CADM1: variants seen among roughly 807,000 people sequenced by gnomAD.
CADM1 encodes the protein cell adhesion molecule 1.
A neutral mutation model predicts 53.1 loss-of-function variants in CADM1; 15 were observed. That is an observed-to-expected ratio of 0.28 (90% confidence interval 0.19 to 0.44). The LOEUF is 0.44. Ranked by LOEUF, CADM1 falls within the 20% of genes least tolerant of loss-of-function variation. CADM1 has a pLI of 1.00. For synonymous variants in CADM1, 281 were observed against 243.0 expected (o/e 1.16, Z -1.45); for missense variants, 434 against 611.3 (o/e 0.71, Z 3.06).
chr11:115,442,622 T>C (rs953303279), intron 1 of CADM1, among the ~76,000 whole-genome samples: 3 of 152,198 alleles, frequency 2.0e-5, no homozygotes, highest in Non-Finnish European at 4.4e-5. Flanking sequence ...TTACTCCTCC[T>C]ATCACTCCTG....
intron 1 of CADM1, among the ~76,000 whole-genome samples, chr11:115,355,707 AAC>A (rs71066418): frequency 0.28 from 42,216 of 150,726 alleles, 6,712 homozygotes; most frequent in African/African-American, 0.44. Context: ...TTAAATTACT[AAC>A]ACACACACAC....
chr11:115,442,472 T>C (rs1948338801), intron 1 of CADM1, among the ~76,000 whole-genome samples: 1 of 152,058 alleles, frequency 6.6e-6, no homozygotes, highest in African/African-American at 2.4e-5. Context: ...AATCATCATC[T>C]CTCCATCAGT....
intron 8 of CADM1, among the ~76,000 whole-genome samples, chr11:115,203,455 G>T (rs1940533704): frequency 6.6e-6 from 1 of 152,174 alleles, no homozygotes; most frequent in Non-Finnish European, 1.5e-5. Flanking sequence ...ACATTTTTAA[G>T]TCTTGGCAAA....
chr11:115,190,696 T>C (rs1939805278), intron 10 of CADM1, 192 bp downstream of exon 10: 3 of 566,232 alleles, frequency 5.3e-6, no homozygotes, highest in East Asian at 2.8e-5. Context: ...TTCCGAAATA[T>C]AAATATCGCT....
chr11:115,225,146 T>G lies in CADM1; in HGVS notation c.721+3967A>C, dbSNP rs61908550. ...AAAGCTAGAAAACTAAGAGACCTAC[T>G]GTATGTTCTTCATTCCCGGCAACGT... On this transcript the variant is annotated intron_variant, in intron 5 of 11. Transcript: ENST00000331581. Among the ~76,000 whole-genome samples the G allele has an allele frequency of 9.2e-3, 1,395 of 152,312 alleles. 11 individuals are homozygous for G. Among genetic ancestry groups the G allele is most frequent in the Middle Eastern group, 0.041 (12 of 294 alleles).
intron 1 of CADM1, among the ~76,000 whole-genome samples, chr11:115,340,569 T>C (rs9888296): frequency 1 from 126,170 of 126,170 alleles, 63,085 homozygotes; most frequent in Non-Finnish European, 1. Context: ...TAAGGGGGAT[T>C]TATTTAAAAT....
chr11:115,477,577 T>C (rs1424047642), intron 1 of CADM1, among the ~76,000 whole-genome samples: 2 of 152,246 alleles, frequency 1.3e-5, no homozygotes, highest in African/African-American at 4.8e-5. Context: ...ATCATCACTG[T>C]ATTGAAACAG....
Position 115,172,220 on chromosome 11 carries a change from A to C in CADM1, c.*4254T>G, listed in dbSNP as rs187559880. ...AGTGTGTGCTTTTGATCCTTATTCT[A>C]TCTCTCTGGGTCTTTTTATAGAGAT... On this transcript the variant is annotated 3_prime_UTR_variant, in exon 12 of 12. Transcript: ENST00000331581. The C allele has an allele frequency of 2.2e-4, 33 of 152,284 alleles. No individual in the cohort carries two copies. Among genetic ancestry groups the C allele is most frequent in the African/African-American group, 7.5e-4 (31 of 41,522 alleles). 9.4% of individuals were successfully genotyped at this position (152,284 alleles called of 1,614,324 possible). A position where few individuals can be genotyped will look rare whatever the true frequency, so the allele number is the denominator to read the frequency against.
chr11:115,345,392 G>A (rs947538029), intron 1 of CADM1, among the ~76,000 whole-genome samples: 23 of 152,170 alleles, frequency 1.5e-4, no homozygotes, highest in Admixed American at 4.6e-4. Flanking sequence ...CTCAGCAAGG[G>A]ACAGGACAAG....
intron 2 of CADM1, among the ~76,000 whole-genome samples, chr11:115,239,681 T>C (rs1460877354): frequency 6.6e-6 from 1 of 151,336 alleles, no homozygotes; most frequent in Admixed American, 6.6e-5. Context: ...TCGCTTTGGT[T>C]AGGCACCGAT....
intron 1 of CADM1, among the ~76,000 whole-genome samples, chr11:115,443,055 T>C (rs1948359864): frequency 6.6e-6 from 1 of 152,278 alleles, no homozygotes; most frequent in Non-Finnish European, 1.5e-5. Flanking sequence ...TTGTTTATAA[T>C]GTACTTCAGT....
intron 1 of CADM1, among the ~76,000 whole-genome samples, chr11:115,383,160 T>C (rs903371348): frequency 6.6e-6 from 1 of 152,212 alleles, no homozygotes; most frequent in Non-Finnish European, 1.5e-5. Flanking sequence ...ACCTGCATCA[T>C]GTCAAAATTT....
chr11:115,390,367 G>C (rs1946804523), intron 1 of CADM1, among the ~76,000 whole-genome samples: 1 of 151,818 alleles, frequency 6.6e-6, no homozygotes, highest in Non-Finnish European at 1.5e-5. Flanking sequence ...GGGAGAAGGG[G>C]AAAGGGTTGG....
chr11:115,292,181 A>C (rs1311765477), intron 1 of CADM1, among the ~76,000 whole-genome samples: 1 of 152,212 alleles, frequency 6.6e-6, no homozygotes, highest in Non-Finnish European at 1.5e-5. Flanking sequence ...GTCTAAAGTC[A>C]AGGGATTCCA....
intron 1 of CADM1, among the ~76,000 whole-genome samples, chr11:115,464,953 A>G (rs1948867777): frequency 6.6e-6 from 1 of 152,216 alleles, no homozygotes; most frequent in Admixed American, 6.5e-5. Context: ...AGGCACTCCT[A>G]TCTACTGGGC....
chr11:115,474,498 C>A (rs1404323849), intron 1 of CADM1, among the ~76,000 whole-genome samples: 12 of 151,676 alleles, frequency 7.9e-5, no homozygotes, highest in Non-Finnish European at 1.6e-4. Flanking sequence ...CACATATACA[C>A]CATGGAATAC....
At chr11:115,498,589 C>T (rs554915763) in intron 1 of CADM1, among the ~76,000 whole-genome samples, 10 of 152,314 alleles carry the variant, frequency 6.6e-5, no homozygotes, top group South Asian at 6.2e-4. Context: ...TCATCTTATC[C>T]GATCCAAACA....
At chr11:115,429,601 A>G (rs1947989954) in intron 1 of CADM1, among the ~76,000 whole-genome samples, 1 of 152,128 alleles carries the variant, frequency 6.6e-6, no homozygotes. Flanking sequence ...AAAAAAAAAA[A>G]AATAGAAGCC....
chr11:115,245,733 C>T lies in CADM1; in HGVS notation c.125-5313G>A, dbSNP rs562849103. Reference sequence around the variant, plus strand: ...CCAGAGGGAAAAATCTTTCTAACTACGTATGTTCCCCCAAGTCAACGTAAA... The same window carrying T: ...CCAGAGGGAAAAATCTTTCTAACTATGTATGTTCCCCCAAGTCAACGTAAA... On this transcript the variant is annotated intron_variant, in intron 1 of 11. Transcript: ENST00000331581. 5.3e-5 allele frequency among the ~76,000 whole-genome samples: 8 copies of T among 152,270 alleles called. No individual in the cohort carries two copies. The East Asian group carries it at 1.4e-3, about 26-fold the overall frequency.
Sources: gnomAD v4.1 joint callset for allele counts (sites outside exome capture counted in the v4.1 genomes callset) on GRCh38, gnomAD v4.1.1 for gene constraint, MANE v1.5 for transcripts, NCBI Gene and HGNC (gene_info 2026-07-23, HGNC 2026-07-21) for gene names.